Variants in DMD observed in about 807,000 individuals in gnomAD.
The protein encoded by DMD is mutant dystrophin.
In DMD, 63 loss-of-function variants were observed where a neutral mutation model predicts 330.1. The observed-to-expected ratio is 0.19, with a 90% CI of 0.16 to 0.24. The LOEUF is 0.24. DMD is among the 10% of genes least tolerant of loss of function. The pLI is 1.00. For synonymous variants in DMD, 1,223 were observed against 959.8 expected, an observed-to-expected ratio of 1.27 and a Z score of -5.07; for missense variants, 3,344 against 2,684.1, an observed-to-expected ratio of 1.25 and a Z score of -5.43.
chrX:31,983,133 A>AGG (rs2095487940), intron 44 of DMD, among the ~76,000 whole-genome samples: 1 of 110,406 alleles, frequency 9.1e-6, no homozygotes, highest in Non-Finnish European at 1.9e-5. Flanking sequence ...TACTGAAATC[A>AGG]GGAAAGCTTA....
intron 2 of DMD, among the ~76,000 whole-genome samples, chrX:32,996,904 A>G (rs1242180406): frequency 8.9e-6 from 1 of 112,411 alleles, no homozygotes. Flanking sequence ...ACATGTTCTA[A>G]TAACATATTT....
rs770519912 is a variant in DMD at position 31,973,295 on chromosome X, G to GA, written c.6439-4782dup. 2.6e-4 allele frequency among the ~76,000 whole-genome samples: 26 copies of GA among 99,092 alleles called. No individual in the cohort carries two copies. In the South Asian group the frequency reaches 2.8e-3, roughly 11 times the overall value. The allele number at this position is 99,092 out of a possible 115,157, so 86.0% of individuals were successfully genotyped here. ...ATGGAGAGAAGGGCAAAATAGTATA[G>GA]AAAAAAAAAAGAGTGGAAAAATAGT... On this transcript the variant is annotated intron_variant, in intron 44 of 78. Coordinates refer to ENST00000357033, the MANE Select transcript of DMD (RefSeq NM_004006.3).
rs66596198 is a variant in DMD at position 32,441,034 on chromosome X, G to C, written c.3921+146C>G. On this transcript the variant is annotated intron_variant, in intron 28 of 78. Transcript: ENST00000357033. Reference sequence around the variant, plus strand: ...TAGAAGGTTATTAGGGGGAACAAAGGCTTTATCCAAAGTACCAGTGCTGAG... The same window carrying C: ...TAGAAGGTTATTAGGGGGAACAAAGCCTTTATCCAAAGTACCAGTGCTGAG... 0.017 allele frequency: 11,160 copies of C among 643,574 alleles called. 870 individuals carry two copies. The African/African-American group carries it at 0.22, about 13-fold the overall frequency. 53.0% of individuals were successfully genotyped at this position (643,574 alleles called of 1,213,427 possible). A position where few individuals can be genotyped will look rare whatever the true frequency, so the allele number is the denominator to read the frequency against.
chrX:32,620,582 T>A (rs1429316113), intron 11 of DMD, among the ~76,000 whole-genome samples: 4 of 112,261 alleles, frequency 3.6e-5, no homozygotes, highest in African/African-American at 1.3e-4. Flanking sequence ...ACAACAGAGA[T>A]GAGATATCCA....
At chrX:32,826,068 C>T (rs2078670938) in intron 4 of DMD, among the ~76,000 whole-genome samples, 1 of 111,672 alleles carries the variant, frequency 9.0e-6, no homozygotes, top group African/African-American at 3.3e-5. Flanking sequence ...AGAAGACAAA[C>T]CAACGGCCAG....
intron 3 of DMD, among the ~76,000 whole-genome samples, chrX:32,845,886 TAAC>T (rs1457110730): frequency 6.2e-5 from 7 of 112,258 alleles, no homozygotes; most frequent in African/African-American, 1.3e-4. Flanking sequence ...GTGCTCTCAA[TAAC>T]AACTGCTCTG....
chrX:32,712,232 C>A (rs773773675), intron 7 of DMD, among the ~76,000 whole-genome samples: 1 of 111,232 alleles, frequency 9.0e-6, no homozygotes. Flanking sequence ...AAAATAAAAA[C>A]AAACACAAAC....
At chrX:32,713,017 A>G (rs915765731) in intron 7 of DMD, among the ~76,000 whole-genome samples, 1 of 111,437 alleles carries the variant, frequency 9.0e-6, no homozygotes, top group Non-Finnish European at 1.9e-5. Flanking sequence ...TGTCACCCTA[A>G]TTGTGTACTA....
intron 44 of DMD, among the ~76,000 whole-genome samples, chrX:31,978,078 T>C (rs762575447): frequency 2.7e-5 from 3 of 111,972 alleles, no homozygotes; most frequent in African/African-American, 9.7e-5. Flanking sequence ...TGTAAATCTT[T>C]TCTAATTTTT....
intron 2 of DMD, among the ~76,000 whole-genome samples, chrX:32,910,907 A>T (rs1019288727): frequency 2.7e-5 from 3 of 112,123 alleles, no homozygotes; most frequent in Non-Finnish European, 5.6e-5. Flanking sequence ...TATGGGTATT[A>T]AACCAGTATG....
chrX:32,664,407 A>G (rs958278688), intron 9 of DMD, among the ~76,000 whole-genome samples: 7 of 109,340 alleles, frequency 6.4e-5, no homozygotes, highest in African/African-American at 2.4e-4. Context: ...ACGGCCGGCA[A>G]ATTTTTTGTA....
chrX:32,375,441 G>T (rs2038354), intron 34 of DMD, among the ~76,000 whole-genome samples: 50,909 of 110,738 alleles, frequency 0.46, 8,527 homozygotes, highest in East Asian at 0.73. Context: ...ATTACTAAGC[G>T]TTATCTTACA....
intron 60 of DMD, among the ~76,000 whole-genome samples, chrX:31,367,263 A>G (rs962700575): frequency 9.0e-5 from 10 of 111,598 alleles, no homozygotes; most frequent in Non-Finnish European, 1.9e-4. Context: ...CTTTATTTCT[A>G]ATTATGCCCT....
At chrX:32,975,204 T>C (rs1048392248) in intron 2 of DMD, among the ~76,000 whole-genome samples, 1 of 110,646 alleles carries the variant, frequency 9.0e-6, no homozygotes, top group Non-Finnish European at 1.9e-5. Flanking sequence ...TTGCCCAATA[T>C]CCAATAAACC....
chrX:33,219,740 T>C (rs1741377752), intron 1 of DMD, among the ~76,000 whole-genome samples: 1 of 111,823 alleles, frequency 8.9e-6, no homozygotes, highest in African/African-American at 3.2e-5. Context: ...TTTCTGAATG[T>C]AAGAAAGGTA....
At chrX:31,935,245 C>T (rs1190291344) in intron 45 of DMD, among the ~76,000 whole-genome samples, 1 of 111,968 alleles carries the variant, frequency 8.9e-6, no homozygotes, top group Non-Finnish European at 1.9e-5. Context: ...CCACAAACTG[C>T]ACTCCCCACA....
At chrX:31,291,849 A>T in intron 62 of DMD, among the ~76,000 whole-genome samples, 1 of 111,277 alleles carries the variant, frequency 9.0e-6, no homozygotes, top group East Asian at 2.8e-4. Flanking sequence ...TCTAAAGGAA[A>T]TACTATCAAA....
At chrX:32,256,299 G>C (rs2097298349) in intron 43 of DMD, among the ~76,000 whole-genome samples, 2 of 105,553 alleles carry the variant, frequency 1.9e-5, no homozygotes, top group African/African-American at 7.0e-5. Flanking sequence ...CAGAGACTAG[G>C]ATTGTAACCC....
chrX:32,448,752 C>A, intron 26 of DMD, 114 bp from the exon 27 acceptor site: 1 of 697,288 alleles, frequency 1.4e-6, no homozygotes, highest in Non-Finnish European at 2.0e-6. Context: ...ATGAGAATTA[C>A]AAAAATAAAT....
Sources: gnomAD v4.1 joint callset for allele counts (sites outside exome capture counted in the v4.1 genomes callset) on GRCh38, gnomAD v4.1.1 for gene constraint, MANE v1.5 for transcripts, NCBI Gene and HGNC (gene_info 2026-07-23, HGNC 2026-07-21) for gene names.